The following DNAJB13 variants were observed in gnomAD, a reference collection of about 807,000 sequenced individuals.
The protein encoded by DNAJB13 is dnaJ homolog subfamily B member 13.
A neutral mutation model predicts 35.6 loss-of-function variants in DNAJB13; 22 were observed. That is an observed-to-expected ratio of 0.62 (90% CI 0.44 to 0.88). The LOEUF is 0.88. DNAJB13 is among the 40% of genes least tolerant of loss of function. The pLI is 0.00. For missense variants in DNAJB13, 370 were observed against 384.3 expected (o/e 0.96, Z 0.31); for synonymous variants, 136 against 144.2 (o/e 0.94, Z 0.41).
At chr11:73,969,155 T>C in intron 6 of DNAJB13, 91 bp from the exon 7 acceptor site, 1 of 650,262 alleles carries the variant, frequency 1.5e-6, no homozygotes, top group East Asian at 2.9e-5. Flanking sequence ...CAACTCACAG[T>C]CTGGCACTGG....
intron 1 of DNAJB13, among the ~76,000 whole-genome samples, chr11:73,954,127 C>T (rs182177891): frequency 1.2e-3 from 177 of 146,334 alleles, no homozygotes; most frequent in African/African-American, 4.4e-3. Context: ...GAGTTTGAGA[C>T]CAGCCTGGCC....
chr11:73,962,234 C>T (rs1019014479), intron 3 of DNAJB13, among the ~76,000 whole-genome samples: 1 of 152,170 alleles, frequency 6.6e-6, no homozygotes, highest in Non-Finnish European at 1.5e-5. Context: ...CCCTAATATG[C>T]TTGTCTCCCT....
chr11:73,964,658 G>C (rs993813462), intron 3 of DNAJB13: 26 of 563,098 alleles, frequency 4.6e-5, no homozygotes, highest in Admixed American at 2.9e-4. Context: ...CACTGCATCT[G>C]CAGTTGAAGA....
At chr11:73,969,349 T>G (rs900809325) in intron 7 of DNAJB13, 27 bp downstream of exon 7, 4 of 869,700 alleles carry the variant, frequency 4.6e-6, no homozygotes, top group Non-Finnish European at 2.0e-6. Flanking sequence ...TGGGCCCCAG[T>G]AGCCAAGAGA....
At chr11:73,960,149 C>T (rs534113910) in intron 3 of DNAJB13, among the ~76,000 whole-genome samples, 1 of 152,124 alleles carries the variant, frequency 6.6e-6, no homozygotes, top group South Asian at 2.1e-4. Flanking sequence ...AAATACATTC[C>T]AGCCCTCCAT....
At chr11:73,960,890 G>T (rs1052130597) in intron 3 of DNAJB13, among the ~76,000 whole-genome samples, 1 of 152,076 alleles carries the variant, frequency 6.6e-6, no homozygotes, top group Non-Finnish European at 1.5e-5. Context: ...ATCTGCATAA[G>T]ATTTCATTGT....
intron 1 of DNAJB13, among the ~76,000 whole-genome samples, chr11:73,955,321 T>G (rs1004336536): frequency 6.6e-6 from 1 of 151,128 alleles, no homozygotes; most frequent in Non-Finnish European, 1.5e-5. Flanking sequence ...TTTTTTTTTT[T>G]TTTTTGAAAC....
chr11:73,968,594 C>A, intron 6 of DNAJB13, 136 bp downstream of exon 6: 1 of 701,506 alleles, frequency 1.4e-6, no homozygotes, highest in Non-Finnish European at 2.4e-6. Flanking sequence ...CTCTAAATCA[C>A]CATCCACTTG....
intron 1 of DNAJB13, among the ~76,000 whole-genome samples, chr11:73,955,099 A>G (rs34260000): frequency 0.079 from 11,957 of 152,108 alleles, 572 homozygotes; most frequent in African/African-American, 0.13. Flanking sequence ...ATTGATCAAA[A>G]AAAAAAAGAG....
intron 6 of DNAJB13, 47 bp downstream of exon 6, chr11:73,968,505 C>A (rs377269045): frequency 6.6e-7 from 1 of 1,517,104 alleles, no homozygotes; most frequent in Non-Finnish European, 9.0e-7. Context: ...TCAGAGTGAG[C>A]CCTGCCTGCC....
chr11:73,953,405 G>T (rs117816201), intron 1 of DNAJB13, among the ~76,000 whole-genome samples: 1 of 152,028 alleles, frequency 6.6e-6, no homozygotes, highest in Non-Finnish European at 1.5e-5. Flanking sequence ...TGGGAGCATC[G>T]GCCAGCTACT....
intron 1 of DNAJB13, among the ~76,000 whole-genome samples, chr11:73,956,598 T>C (rs1950748951): frequency 1.3e-5 from 2 of 152,092 alleles, no homozygotes; most frequent in South Asian, 4.2e-4. Context: ...AGGTCAGTAG[T>C]TCAAGACCAG....
At chr11:73,962,236 T>C (rs1438458115) in intron 3 of DNAJB13, among the ~76,000 whole-genome samples, 1 of 152,218 alleles carries the variant, frequency 6.6e-6, no homozygotes, top group African/African-American at 2.4e-5. Context: ...CTAATATGCT[T>C]GTCTCCCTAC....
intron 1 of DNAJB13, among the ~76,000 whole-genome samples, chr11:73,952,678 T>C (rs1950616799): frequency 6.6e-6 from 1 of 152,120 alleles, no homozygotes; most frequent in East Asian, 1.9e-4. Context: ...CAGGGAAAGG[T>C]AATCAGGAGG....
intron 4 of DNAJB13, 81 bp downstream of exon 4, chr11:73,965,116 G>T: frequency 7.0e-7 from 1 of 1,428,650 alleles, no homozygotes; most frequent in South Asian, 1.4e-5. Flanking sequence ...CTGGGTGGGA[G>T]GACTCAGGGA....
intron 3 of DNAJB13, among the ~76,000 whole-genome samples, chr11:73,960,254 T>G (rs1424020104): frequency 6.6e-6 from 1 of 152,224 alleles, no homozygotes; most frequent in Non-Finnish European, 1.5e-5. Context: ...CTCTGCTCAC[T>G]GCAACCTCCG....
At chr11:73,963,102 G>A (rs1021579041) in intron 3 of DNAJB13, among the ~76,000 whole-genome samples, 1 of 152,130 alleles carries the variant, frequency 6.6e-6, no homozygotes, top group African/African-American at 2.4e-5. Flanking sequence ...GAGGCCGGCG[G>A]ATCACTTGAG....
At chr11:73,964,609 G>A in intron 3 of DNAJB13, 1 of 432,598 alleles carries the variant, frequency 2.3e-6, no homozygotes, top group East Asian at 5.0e-5. Context: ...AATGTCCCAA[G>A]GGGAGGTGAA....
At chr11:73,967,881 G>C (rs116382107) in intron 5 of DNAJB13, 2,150 of 209,594 alleles carry the variant, frequency 0.01, 44 homozygotes, top group African/African-American at 0.047. Flanking sequence ...ATCATGTCTT[G>C]AGCGTGCTGA....
Sources: allele counts gnomAD v4.1 joint callset (sites outside exome capture counted in the v4.1 genomes callset), GRCh38; gene constraint gnomAD v4.1.1; transcripts MANE v1.5; gene names NCBI Gene and HGNC (gene_info 2026-07-23, HGNC 2026-07-21).